Variants in ELFN1 observed in about 807,000 individuals in gnomAD.
ELFN1 encodes extracellular leucine rich repeat and fibronectin type III domain containing 1, also known as protein ELFN1.
In ELFN1, 6 loss-of-function variants were observed where a neutral mutation model predicts 7.6. That is an observed-to-expected ratio of 0.79 (90% CI 0.43 to 1.56). The LOEUF (loss-of-function observed/expected upper bound fraction) is 1.56. ELFN1 is among the 40% of genes most tolerant of loss of function. ELFN1 has a pLI of 0.01. For synonymous variants in ELFN1, 657 were observed against 588.1 expected (o/e 1.12, Z -1.70); for missense variants, 1,169 against 1,232.2 (o/e 0.95, Z 0.77).
intron 3 of ELFN1, chr7:1,738,525 C>T (rs866116165): frequency 6.6e-6 from 1 of 152,434 alleles, no homozygotes; most frequent in Non-Finnish European, 1.5e-5. Flanking sequence ...ATGGCTTGAG[C>T]CCAGGAGGCC....
In ELFN1 at chr7:1,747,425, CT is replaced by C; in HGVS notation, c.*346del. On this transcript the variant is annotated 3_prime_UTR_variant, in exon 4 of 4. Coordinates refer to ENST00000424383, the MANE Select transcript of ELFN1 (RefSeq NM_001128636.4). ...CTTTCCTCTTTTGAGTCTTCTCTGCCTTTTCTTTTCCTCTCTATCTCTTTAC... is the reference window on the plus strand; with the variant it reads ...CTTTCCTCTTTTGAGTCTTCTCTGCCTTTCTTTTCCTCTCTATCTCTTTAC... The C allele has an allele frequency of 4.8e-6, 1 of 207,474 alleles. No individual in the cohort carries two copies. The allele number at this position is 207,474 out of a possible 1,614,324, so 12.9% of individuals were successfully genotyped here.
At chr7:1,728,027 T>G (rs1780243104) in intron 3 of ELFN1, among the ~76,000 whole-genome samples, 1 of 152,122 alleles carries the variant, frequency 6.6e-6, no homozygotes, top group South Asian at 2.1e-4. Flanking sequence ...CACCACCCCT[T>G]TGCATGGGCG....
chr7:1,728,563 C>T (rs373437533), intron 3 of ELFN1, among the ~76,000 whole-genome samples: 1 of 152,228 alleles, frequency 6.6e-6, no homozygotes, highest in South Asian at 2.1e-4. Context: ...GGAGGCACCT[C>T]CTGGGCTTTG....
At position 1,735,736 on chromosome 7, in the gene ELFN1, T is replaced by C. The variant is rs766600215; in HGVS notation, c.-293-8568T>C. 2.6e-5 allele frequency among the ~76,000 whole-genome samples: 4 copies of C among 151,936 alleles called. No individual in the cohort carries two copies. The highest frequency in any genetic ancestry group is 4.8e-5 in the African/African-American group (2 of 41,354). ...CACATATGTCCAGCGTGCGGCTCCA[T>C]CTCCCATACTGCCTTGCACTCACCT... On this transcript the variant is annotated intron_variant, in intron 3 of 3. Coordinates refer to ENST00000424383, the MANE Select transcript of ELFN1 (RefSeq NM_001128636.4). This position sits in a 1 kb window ranked among gnomAD's most constrained non-coding sequence, Gnocchi z 5.9.
chr7:1,715,103 A>C (rs1400590684), intron 3 of ELFN1, among the ~76,000 whole-genome samples: 1 of 152,196 alleles, frequency 6.6e-6, no homozygotes, highest in Non-Finnish European at 1.5e-5. Context: ...GTAGCAGCCA[A>C]CAGCCTGAGA....
intron 2 of ELFN1, chr7:1,693,017 G>A (rs933397023): frequency 1.1e-5 from 3 of 279,016 alleles, no homozygotes; most frequent in African/African-American, 4.3e-5. Flanking sequence ...CCTCAGTTTT[G>A]TTGTCTGTAA....
chr7:1,746,430 C>T lies in ELFN1; in HGVS notation c.1834C>T (p.Leu612=). ...SEPLAAKHGF[L]APGYKDAFGH... ...GCCGCTGGCCGCCAAGCACGGCTTCCTGGCGCCCGGGTACAAGGACGCCTT... is the reference window on the plus strand; with the variant it reads ...GCCGCTGGCCGCCAAGCACGGCTTCTTGGCGCCCGGGTACAAGGACGCCTT... The change falls in exon 4 of 4, where the codon CTG becomes TTG. Residue 612 remains leucine, a synonymous_variant. Coordinates refer to ENST00000424383, the MANE Select transcript of ELFN1 (RefSeq NM_001128636.4). 2.6e-6 allele frequency: 4 copies of T among 1,531,980 alleles called. No individual in the cohort carries two copies. The highest frequency in any genetic ancestry group is 3.5e-6 in the Non-Finnish European group (4 of 1,141,956). 94.9% of individuals were successfully genotyped at this position (1,531,980 alleles called of 1,614,324 possible).
intron 3 of ELFN1, among the ~76,000 whole-genome samples, chr7:1,720,055 G>T (rs1779972307): frequency 6.6e-6 from 1 of 152,140 alleles, no homozygotes. Context: ...CCGTGTCCTG[G>T]GTTCCCCTTT....
At chr7:1,716,351 C>T (rs1779831292) in intron 3 of ELFN1, among the ~76,000 whole-genome samples, 1 of 152,324 alleles carries the variant, frequency 6.6e-6, no homozygotes, top group African/African-American at 2.4e-5. Context: ...GAGGTGACGG[C>T]CTGGGTAAAT....
At chr7:1,721,653 T>A (rs1208488950) in intron 3 of ELFN1, among the ~76,000 whole-genome samples, 7 of 152,252 alleles carry the variant, frequency 4.6e-5, no homozygotes, top group Middle Eastern at 3.4e-3. Context: ...ACTCAGTCCA[T>A]CGGGTGTTTC....
At position 1,695,780 on chromosome 7, in the gene ELFN1, G is replaced by C. The variant is rs1293645008; in HGVS notation, c.-456+7630G>C. Reference sequence around the variant, plus strand: ...AAAAAAAAAAAAAAAAAACCGTGCTGGTTTGGTTTCACTGACTCCCATTCA... The same window carrying C: ...AAAAAAAAAAAAAAAAAACCGTGCTCGTTTGGTTTCACTGACTCCCATTCA... On this transcript the variant is annotated intron_variant, in intron 2 of 3. Transcript: ENST00000424383. The surrounding 1 kb of genome is among the most constrained non-coding windows in gnomAD (Gnocchi z 5.1). Among the ~76,000 whole-genome samples, 4 of 148,800 alleles carry C rather than the reference G, an allele frequency of 2.7e-5. No individual in the cohort carries two copies. The highest frequency in any genetic ancestry group is 5.9e-5 in the Non-Finnish European group (4 of 67,552).
rs1778813468 is a variant in ELFN1 at position 1,673,756 on chromosome 7, CCGG to C, written c.-549+3403_-549+3405del. ...GTGCCTCCTTTCCCTCGGAGATCAG[CCGG>C]TCCAGCCCCTGAAGATGGTCCAGCC... is the stretch of plus-strand genomic sequence containing the variant. On this transcript the variant is annotated intron_variant, in intron 1 of 3. Coordinates refer to ENST00000424383, the MANE Select transcript of ELFN1 (RefSeq NM_001128636.4). This position sits in a 1 kb window ranked among gnomAD's most constrained non-coding sequence, Gnocchi z 4.7. Among the ~76,000 whole-genome samples the C allele has an allele frequency of 6.6e-6, 1 of 151,322 alleles. No individual in the cohort carries two copies. The highest frequency in any genetic ancestry group is 1.5e-5 in the Non-Finnish European group (1 of 67,306).
At chr7:1,729,133 T>C (rs1780271010) in intron 3 of ELFN1, among the ~76,000 whole-genome samples, 1 of 152,132 alleles carries the variant, frequency 6.6e-6, no homozygotes, top group African/African-American at 2.4e-5. Context: ...TCTGCTCAAC[T>C]CACTGCCAGG....
chr7:1,689,944 C>T (rs1185324038), intron 2 of ELFN1, among the ~76,000 whole-genome samples: 3 of 152,206 alleles, frequency 2.0e-5, no homozygotes, highest in Non-Finnish European at 2.9e-5. Flanking sequence ...GCCCTCTGGA[C>T]ACCTGGCATC....
chr7:1,684,499 C>T (rs1290717775), intron 1 of ELFN1, among the ~76,000 whole-genome samples: 1 of 152,022 alleles, frequency 6.6e-6, no homozygotes, highest in African/African-American at 2.4e-5. Flanking sequence ...TCGCTGTTTT[C>T]TTCATTGTTT....
chr7:1,712,632 A>T (rs916290947), intron 3 of ELFN1, among the ~76,000 whole-genome samples: 22 of 149,370 alleles, frequency 1.5e-4, no homozygotes, highest in African/African-American at 5.5e-4. Context: ...GGGTTTCGCC[A>T]TGTTGGCCAG....
intron 3 of ELFN1, among the ~76,000 whole-genome samples, chr7:1,725,326 G>A (rs1226582025): frequency 1.3e-5 from 2 of 152,200 alleles, no homozygotes; most frequent in Admixed American, 6.5e-5. Flanking sequence ...GGCAGCTGGC[G>A]GGGGCCCTGG....
At chr7:1,677,672 C>A (rs957676510) in intron 1 of ELFN1, among the ~76,000 whole-genome samples, 2 of 152,224 alleles carry the variant, frequency 1.3e-5, no homozygotes, top group Non-Finnish European at 2.9e-5. Context: ...CCCTCTTGGA[C>A]ACCACAGTGG....
intron 2 of ELFN1, among the ~76,000 whole-genome samples, chr7:1,688,547 T>TACTA (rs1287057576): frequency 6.6e-6 from 1 of 152,254 alleles, no homozygotes; most frequent in Non-Finnish European, 1.5e-5. Flanking sequence ...TTCCTAGGTA[T>TACTA]ACTAATCCAG....
Sources: allele counts gnomAD v4.1 joint callset (sites outside exome capture counted in the v4.1 genomes callset), GRCh38; gene constraint gnomAD v4.1.1; non-coding constraint Gnocchi (gnomAD v3.1); transcripts MANE v1.5; gene names NCBI Gene and HGNC (gene_info 2026-07-23, HGNC 2026-07-21).